Variants in GATAD2A observed in about 807,000 individuals in gnomAD.
GATAD2A encodes transcriptional repressor p66-alpha.
In GATAD2A, 12 loss-of-function variants were observed where a neutral mutation model predicts 68.5. That is an observed-to-expected ratio of 0.18 (90% CI 0.11 to 0.28). The LOEUF (loss-of-function observed/expected upper bound fraction) is 0.28. Among genes scored for constraint, GATAD2A ranks in the 10% least tolerant of loss-of-function variants. The probability of loss-of-function intolerance (pLI) is 1.00; values close to 1 mark genes in which losing one functional copy is unlikely to be tolerated. For synonymous variants in GATAD2A, 410 were observed against 375.3 expected (o/e 1.09, Z -1.07); for missense variants, 755 against 868.5 (o/e 0.87, Z 1.64).
rs527843344 is a variant in GATAD2A, at chr19:19,414,655, T to C, written c.-7+8636T>C. ...CGGTTCAAGCGATTCTTGTGCCTCATCCTCCCAAGTAGCTGGGATTACAGG... is the reference window on the plus strand; with the variant it reads ...CGGTTCAAGCGATTCTTGTGCCTCACCCTCCCAAGTAGCTGGGATTACAGG... On this transcript the variant is annotated intron_variant, in intron 1 of 11. Transcript: ENST00000683918. 3.4e-5 allele frequency among the ~76,000 whole-genome samples: 5 copies of C among 146,502 alleles called. No individual in the cohort carries two copies. The Admixed American group carries it at 3.4e-4, about 10-fold the overall frequency.
At chr19:19,402,856 C>CG (rs2049895930), upstream of GATAD2A, among the ~76,000 whole-genome samples, 2 of 150,428 alleles carry the variant, frequency 1.3e-5, no homozygotes, top group Non-Finnish European at 3.0e-5. Flanking sequence ...TCACTGCAAC[C>CG]TCCGCCTCTT....
chr19:19,423,660 T>C (rs2052707398), intron 1 of GATAD2A, among the ~76,000 whole-genome samples: 1 of 152,246 alleles, frequency 6.6e-6, no homozygotes, highest in Non-Finnish European at 1.5e-5. Flanking sequence ...GTCAGAGAAA[T>C]TGAATTCTGC....
chr19:19,498,792 T>A (rs1467561831), intron 8 of GATAD2A, 70 bp downstream of exon 8: 2 of 1,358,030 alleles, frequency 1.5e-6, no homozygotes, highest in East Asian at 2.3e-5. Context: ...GTGGGTTCTT[T>A]CCAACACACA....
chr19:19,501,335 G>T lies in GATAD2A; in HGVS notation c.1422G>T (p.Glu474Asp). Residue 474 changes from glutamate (E) to aspartate (D), a missense_variant, in exon 9 of 12, where the codon GAG becomes GAT. Glu to Asp is a conservative substitution (Grantham distance 45). Coordinates refer to ENST00000683918, the MANE Select transcript of GATAD2A (RefSeq NM_001384528.1). Reference protein sequence around the residue: ...VKALQQEQEIEQRLLQQGTAP... With the variant: ...VKALQQEQEIDQRLLQQGTAP... ...CGCTGCAGCAGGAACAGGAGATTGA[G>T]CAGCGGCTCCTGCAGCAGGGCACGG... is the stretch of plus-strand genomic sequence containing the variant. The T allele has an allele frequency of 6.2e-7, 1 of 1,612,708 alleles. No individual in the cohort carries two copies. The highest frequency in any genetic ancestry group is 1.1e-5 in the South Asian group (1 of 91,046).
chr19:19,444,777 G>A (rs1232335084), intron 1 of GATAD2A, among the ~76,000 whole-genome samples: 1 of 151,764 alleles, frequency 6.6e-6, no homozygotes, highest in African/African-American at 2.4e-5. Context: ...AAGTTGAGGT[G>A]GGAGGATTGC....
chr19:19,414,012 G>C (rs2051276331), intron 1 of GATAD2A, among the ~76,000 whole-genome samples: 1 of 151,932 alleles, frequency 6.6e-6, no homozygotes, highest in South Asian at 2.1e-4. Flanking sequence ...TCTTTTTGTT[G>C]TTGTCTCTTT....
At chr19:19,495,915 C>G (rs1350650655) in intron 6 of GATAD2A, 30 bp downstream of exon 6, 1 of 1,601,928 alleles carries the variant, frequency 6.2e-7, no homozygotes, top group South Asian at 1.1e-5. Flanking sequence ...TGGGGGAGAC[C>G]TGGCAGCCTC....
chr19:19,498,437 C>T lies in GATAD2A; in HGVS notation c.925-6C>T. 1.3e-6 allele frequency: 2 copies of T among 1,598,262 alleles called. No homozygotes were observed. The highest frequency in any genetic ancestry group is 8.6e-7 in the Non-Finnish European group (1 of 1,167,460). On this transcript the variant is annotated splice_polypyrimidine_tract_variant and splice_region_variant and intron_variant, in intron 7 of 11. Coordinates refer to ENST00000683918, the MANE Select transcript of GATAD2A (RefSeq NM_001384528.1). ...AGCGCCCTGACTGAGTTTTTGTCTCCCAAAGCCCACCCCAGCATCACTGAA... is the reference window on the plus strand; with the variant it reads ...AGCGCCCTGACTGAGTTTTTGTCTCTCAAAGCCCACCCCAGCATCACTGAA...
intron 2 of GATAD2A, among the ~76,000 whole-genome samples, chr19:19,475,935 CCT>C (rs1228386217): frequency 6.6e-6 from 1 of 152,198 alleles, no homozygotes; most frequent in African/African-American, 2.4e-5. Context: ...CTCCCCAAGT[CCT>C]CAGCTCACAT....
chr19:19,432,954 T>G (rs1397512117), intron 1 of GATAD2A, among the ~76,000 whole-genome samples: 1 of 152,180 alleles, frequency 6.6e-6, no homozygotes, highest in Non-Finnish European at 1.5e-5. Flanking sequence ...TGAGGAGTGG[T>G]TGGGCTCCAG....
chr19:19,482,591 T>G (rs987499353), intron 2 of GATAD2A, among the ~76,000 whole-genome samples: 9 of 152,038 alleles, frequency 5.9e-5, no homozygotes, highest in Non-Finnish European at 1.3e-4. Context: ...TAGGAAGTCA[T>G]GTGGCCCTCC....
intron 10 of GATAD2A, 98 bp from the exon 11 acceptor site, chr19:19,502,233 G>T: frequency 9.5e-7 from 1 of 1,051,614 alleles, no homozygotes. Context: ...CATGTGGGTG[G>T]GAAGAGGTCA....
In GATAD2A at chr19:19,429,592, G is replaced by A. The variant is rs554849187; in HGVS notation, c.-7+23573G>A. Among the ~76,000 whole-genome samples the A allele has an allele frequency of 2.0e-4, 30 of 152,002 alleles. No homozygotes were observed. The South Asian group carries it at 2.9e-3, about 15-fold the overall frequency. On this transcript the variant is annotated intron_variant, in intron 1 of 11. Transcript: ENST00000683918. ...AGATGGTGGAAGTGGAAGACAGCCA[G>A]TACATGCCTTAGGCTGCCGGCCTGC...
chr19:19,462,146 G>A (rs1216363929), intron 1 of GATAD2A, among the ~76,000 whole-genome samples: 5 of 152,200 alleles, frequency 3.3e-5, no homozygotes, highest in Admixed American at 3.3e-4. Flanking sequence ...GTCATCTGTC[G>A]CGCTTTCTTC....
chr19:19,402,756 T>G (rs565990520), upstream of GATAD2A, among the ~76,000 whole-genome samples: 51 of 151,352 alleles, frequency 3.4e-4, 1 homozygote, highest in South Asian at 1.7e-3. Flanking sequence ...GGGTTTTTTT[T>G]TTTTGTTTTT....
chr19:19,409,768 G>C (rs1027506735), intron 1 of GATAD2A, among the ~76,000 whole-genome samples: 10 of 152,232 alleles, frequency 6.6e-5, no homozygotes, highest in African/African-American at 2.4e-4. Context: ...ACTGGGGACA[G>C]ATCCCGCTCG....
chr19:19,476,056 G>A (rs577386376), intron 2 of GATAD2A, among the ~76,000 whole-genome samples: 6 of 152,128 alleles, frequency 3.9e-5, no homozygotes, highest in Non-Finnish European at 8.8e-5. Context: ...GCCTTTAGAC[G>A]CCCTCCTCTG....
intron 1 of GATAD2A, among the ~76,000 whole-genome samples, chr19:19,454,273 G>A (rs966312826): frequency 1.1e-4 from 16 of 150,074 alleles, no homozygotes; most frequent in African/African-American, 3.4e-4. Flanking sequence ...TGGGATTACA[G>A]GCATGAGCCA....
At chr19:19,392,378 A>G (rs1225920581) in intron 1 of GATAD2A, among the ~76,000 whole-genome samples, 1 of 145,330 alleles carries the variant, frequency 6.9e-6, no homozygotes, top group Non-Finnish European at 1.5e-5. Flanking sequence ...GCCTGGCCCA[A>G]GTTTATTGTG....
Sources: gnomAD v4.1 joint callset for allele counts (sites outside exome capture counted in the v4.1 genomes callset) on GRCh38, gnomAD v4.1.1 for gene constraint, MANE v1.5 for transcripts, NCBI Gene and HGNC (gene_info 2026-07-23, HGNC 2026-07-21) for gene names.